The following EPHA6 variants were observed in gnomAD, a reference collection of about 807,000 sequenced individuals.
EPHA6 encodes the protein EPH receptor A6.
In EPHA6, 50 loss-of-function variants were observed where a neutral mutation model predicts 112.0. The ratio of observed to expected loss-of-function variants is 0.45; its 90% CI spans 0.36 to 0.56. The LOEUF (loss-of-function observed/expected upper bound fraction) is 0.56, where lower values mean the gene tolerates loss of function less well. Ranked by LOEUF, EPHA6 falls within the 20% of genes least tolerant of loss-of-function variation. The pLI, the probability that EPHA6 is intolerant of heterozygous loss-of-function variation, is 0.00. For missense variants in EPHA6, 1,280 were observed against 1,417.4 expected, an observed-to-expected ratio of 0.90 and a Z score of 1.56; for synonymous variants, 529 against 490.7, an observed-to-expected ratio of 1.08 and a Z score of -1.03.
chr3:97,349,107 A>G (rs1179415652), intron 5 of EPHA6, among the ~76,000 whole-genome samples: 2 of 152,058 alleles, frequency 1.3e-5, no homozygotes, highest in Admixed American at 6.6e-5. Flanking sequence ...TCACTGCTTC[A>G]TGTATCCTTA....
chr3:97,532,248 A>T, intron 10 of EPHA6, 110 bp from the exon 11 acceptor site: 1 of 882,108 alleles, frequency 1.1e-6, no homozygotes, highest in Middle Eastern at 2.9e-4. Context: ...TGAAAATAAC[A>T]TACTTAAGAG....
At chr3:97,183,048 A>G (rs992683392) in intron 3 of EPHA6, among the ~76,000 whole-genome samples, 4 of 152,002 alleles carry the variant, frequency 2.6e-5, no homozygotes, top group Non-Finnish European at 5.9e-5. Flanking sequence ...AGATTATTTG[A>G]AAATGCTTTT....
intron 14 of EPHA6, among the ~76,000 whole-genome samples, chr3:97,650,780 C>G (rs900472720): frequency 6.8e-6 from 1 of 147,298 alleles, no homozygotes; most frequent in Non-Finnish European, 1.5e-5. Flanking sequence ...TTGCTTGAAC[C>G]TGGGAGGCAG....
At chr3:97,630,484 C>T (rs992970543) in intron 13 of EPHA6, among the ~76,000 whole-genome samples, 2 of 151,828 alleles carry the variant, frequency 1.3e-5, no homozygotes, top group African/African-American at 4.8e-5. Context: ...AGTGTAGTCA[C>T]CTTTTTGATT....
chr3:97,666,587 G>A (rs77570933), intron 14 of EPHA6, among the ~76,000 whole-genome samples: 4,135 of 152,194 alleles, frequency 0.027, 172 homozygotes, highest in African/African-American at 0.093. Flanking sequence ...CTGTGTGCAT[G>A]TCTCTTTGTC....
intron 5 of EPHA6, among the ~76,000 whole-genome samples, chr3:97,393,944 T>C (rs796390124): frequency 2.6e-5 from 4 of 151,844 alleles, no homozygotes; most frequent in South Asian, 4.1e-4. Context: ...ATTGTGTATA[T>C]AGACCATATT....
Position 96,938,147 on chromosome 3 carries a change from A to T in EPHA6, c.451-49183A>T, listed in dbSNP as rs2040710408. Among the ~76,000 whole-genome samples, 4 of 152,022 alleles carry T rather than the reference A, an allele frequency of 2.6e-5. No individual in the cohort carries two copies. The South Asian group carries it at 8.3e-4, about 32-fold the overall frequency. Reference sequence around the variant, plus strand: ...TAGTTTTTTCCAATTCTGTGAAGAAAGTCATTGGTAGCTTGATGGGGATGG... The same window carrying T: ...TAGTTTTTTCCAATTCTGTGAAGAATGTCATTGGTAGCTTGATGGGGATGG... On this transcript the variant is annotated intron_variant, in intron 2 of 17. Transcript: ENST00000389672.
At chr3:97,718,562 T>C (rs1386094) in intron 14 of EPHA6, among the ~76,000 whole-genome samples, 2 of 152,022 alleles carry the variant, frequency 1.3e-5, no homozygotes, top group African/African-American at 2.4e-5. Flanking sequence ...TTGTTATTTA[T>C]CTGAAATACA....
rs1407244450 is a variant in EPHA6, at chr3:97,244,228, C to A, written c.1547C>A (p.Ser516Tyr). ...GAAATAGAAGCAATGAATGGAGTTTCTGAGTTGAGTTTTTCTCCCAAGCCA... is the reference window on the plus strand; with the variant it reads ...GAAATAGAAGCAATGAATGGAGTTTATGAGTTGAGTTTTTCTCCCAAGCCA... ...TFEIEAMNGV[S>Y]ELSFSPKPFT... is the part of the protein sequence containing the mutation. The change falls in exon 5 of 18, where the codon TCT (serine) becomes TAT (tyrosine). Residue 516 changes from serine (S) to tyrosine (Y), a missense_variant. Ser to Tyr is a moderately radical substitution (Grantham distance 144, BLOSUM62 -2). Around this residue, in one of 4 missense-constraint regions of EPHA6, gnomAD observed 878 missense variants for 999.7 expected, o/e 0.88. Transcript: ENST00000389672. 1 of 1,613,022 alleles carries A rather than the reference C, an allele frequency of 6.2e-7. No homozygotes were observed. Among genetic ancestry groups the A allele is most frequent in the Non-Finnish European group, 8.5e-7 (1 of 1,179,368 alleles).
intron 7 of EPHA6, among the ~76,000 whole-genome samples, chr3:97,473,006 T>A (rs1004711946): frequency 6.6e-6 from 1 of 151,720 alleles, no homozygotes; most frequent in African/African-American, 2.4e-5. Flanking sequence ...AAGACCATTG[T>A]GAAGATAATT....
chr3:97,498,588 A>G (rs115825519), intron 10 of EPHA6, among the ~76,000 whole-genome samples: 1 of 152,282 alleles, frequency 6.6e-6, no homozygotes, highest in African/African-American at 2.4e-5. Context: ...TTGGCCTGGT[A>G]AGGGTCACTT....
intron 10 of EPHA6, among the ~76,000 whole-genome samples, chr3:97,508,407 A>G (rs1463756958): frequency 2.0e-5 from 3 of 152,090 alleles, no homozygotes. Flanking sequence ...TTTCTGCCTT[A>G]ATTCATTATT....
At chr3:96,845,671 T>G (rs1414405303) in intron 1 of EPHA6, among the ~76,000 whole-genome samples, 3 of 138,104 alleles carry the variant, frequency 2.2e-5, no homozygotes, top group African/African-American at 6.5e-5. Flanking sequence ...TATCAGGTTT[T>G]TCTTGATTTG....
intron 3 of EPHA6, among the ~76,000 whole-genome samples, chr3:97,056,072 C>T (rs144329531): frequency 6.6e-6 from 1 of 152,188 alleles, no homozygotes; most frequent in African/African-American, 2.4e-5. Context: ...AACCAGAATA[C>T]CATCATTCCA....
In EPHA6 at chr3:97,244,082, C is replaced by T. The variant is rs1559823241; in HGVS notation, c.1401C>T (p.Gly467=). The T allele has an allele frequency of 6.2e-7, 1 of 1,612,922 alleles. No individual in the cohort carries two copies. The highest frequency in any genetic ancestry group is 1.7e-5 in the Admixed American group (1 of 59,798). The change falls in exon 5 of 18, where the codon GGC becomes GGT. Residue 467 remains glycine (G), a synonymous_variant. Transcript: ENST00000389672. The part of the protein sequence containing the change: ...LTYSVICKKC[G]LDTSQCEDCG... ...ACAGTGTAATCTGTAAGAAATGTGG[C>T]TTAGACACCAGCCAGTGTGAGGACT...
intron 5 of EPHA6, among the ~76,000 whole-genome samples, chr3:97,271,950 T>A (rs1250952507): frequency 2.0e-5 from 3 of 151,728 alleles, no homozygotes; most frequent in Non-Finnish European, 4.4e-5. Flanking sequence ...AAGAGCATCT[T>A]CAATCTATTC....
chr3:97,630,960 T>C (rs2093897795), intron 13 of EPHA6, among the ~76,000 whole-genome samples: 1 of 151,986 alleles, frequency 6.6e-6, no homozygotes, highest in African/African-American at 2.4e-5. Flanking sequence ...ACCTGGACTG[T>C]CATCCCATCC....
At chr3:97,444,180 G>T (rs1350619771) in intron 6 of EPHA6, among the ~76,000 whole-genome samples, 1 of 152,006 alleles carries the variant, frequency 6.6e-6, no homozygotes, top group Admixed American at 6.6e-5. Context: ...ACATAGATAT[G>T]TCTAGAAAAT....
chr3:96,835,594 T>C (rs933508780), intron 1 of EPHA6, among the ~76,000 whole-genome samples: 1 of 152,026 alleles, frequency 6.6e-6, no homozygotes, highest in African/African-American at 2.4e-5. Context: ...ACATGCATCG[T>C]TGAGGATAAG....
Sources: allele counts gnomAD v4.1 joint callset (sites outside exome capture counted in the v4.1 genomes callset), GRCh38; gene constraint gnomAD v4.1.1; regional missense constraint gnomAD v4.1.1; transcripts MANE v1.5; gene names NCBI Gene and HGNC (gene_info 2026-07-23, HGNC 2026-07-21).